Variants in DCHS2 observed in about 807,000 individuals in gnomAD.
DCHS2 encodes dachsous cadherin-related 2.
In DCHS2, 142 loss-of-function variants were observed where a neutral mutation model predicts 182.4. The ratio of observed to expected loss-of-function variants is 0.78; its 90% confidence interval spans 0.68 to 0.89. The LOEUF (loss-of-function observed/expected upper bound fraction) is 0.89, where lower values mean the gene tolerates loss of function less well. DCHS2 is among the 40% of genes least tolerant of loss of function. DCHS2 has a pLI of 0.00. For missense variants in DCHS2, 4,319 were observed against 4,198.6 expected (o/e 1.03, Z -0.79); for synonymous variants, 1,740 against 1,663.3 (o/e 1.05, Z -1.12).
chr4:154,451,108 A>G (rs530124525), intron 1 of DCHS2, among the ~76,000 whole-genome samples: 1 of 152,272 alleles, frequency 6.6e-6, no homozygotes, highest in Non-Finnish European at 1.5e-5. Context: ...TTCTGTAACA[A>G]GTCCAGGATG....
Position 154,255,763 on chromosome 4 carries a change from G to T in DCHS2, c.6790-93C>A, listed in dbSNP as rs1043267192. 11 of 1,422,204 alleles carry T rather than the reference G, an allele frequency of 7.7e-6. No individual in the cohort carries two copies. The African/African-American group carries it at 1.6e-4, about 21-fold the overall frequency. 88.1% of individuals were successfully genotyped at this position (1,422,204 alleles called of 1,614,324 possible). A position where few individuals can be genotyped will look rare whatever the true frequency, so the allele number is the denominator to read the frequency against. ...AGACATGCATTAAGAAAGAATCACA[G>T]CTTGTCAAACATATTTTAAAAACAA... On this transcript the variant is annotated intron_variant, in intron 15 of 19. Transcript: ENST00000357232.
chr4:154,331,685 A>G (rs540647866), intron 5 of DCHS2: 13 of 1,613,726 alleles, frequency 8.1e-6, no homozygotes, highest in Non-Finnish European at 1.1e-5. Flanking sequence ...CCATCTGCCC[A>G]GGTTATGACA....
intron 14 of DCHS2, among the ~76,000 whole-genome samples, chr4:154,266,935 T>C (rs946729121): frequency 1.3e-5 from 2 of 152,178 alleles, no homozygotes; most frequent in Non-Finnish European, 2.9e-5. Flanking sequence ...TGGCCTTCAA[T>C]ATGTTCTTCT....
At chr4:154,341,956 T>C (rs1313742489) in intron 3 of DCHS2, among the ~76,000 whole-genome samples, 2 of 152,166 alleles carry the variant, frequency 1.3e-5, no homozygotes, top group Middle Eastern at 3.2e-3. Context: ...CTCAACTAAA[T>C]ATAACCATCA....
rs1731409473 is a variant in DCHS2 at position 154,235,282 on chromosome 4, T to C, written c.9370A>G (p.Ser3124Gly). The C allele has an allele frequency of 3.1e-6, 5 of 1,614,096 alleles. No individual in the cohort carries two copies. Among genetic ancestry groups the C allele is most frequent in the Non-Finnish European group, 4.2e-6 (5 of 1,179,972 alleles). The stretch of plus-strand genomic sequence containing the variant: ...TCTGGCACCCTGGACTCGTGGTCAC[T>C]CAGAGCTGAGTCTGAGCACTTTCTG... Reference protein sequence around the residue: ...PYRKCSDSALSDHESRVPDSG... With the variant: ...PYRKCSDSALGDHESRVPDSG... The change falls in exon 20 of 20, where the codon AGT becomes GGT. Residue 3124 changes from serine (S) to glycine (G), a missense_variant. By Grantham distance (56) the Ser-to-Gly change is moderately conservative. Coordinates refer to ENST00000357232, the MANE Select transcript of DCHS2 (RefSeq NM_001358235.2).
chr4:154,336,647 G>A (rs1311497694), intron 3 of DCHS2, among the ~76,000 whole-genome samples: 2 of 151,994 alleles, frequency 1.3e-5, no homozygotes, highest in African/African-American at 2.4e-5. Flanking sequence ...ATTTCTATTA[G>A]AAATTTAATA....
Position 154,298,653 on chromosome 4 carries a change from G to A in DCHS2, c.5661C>T (p.Thr1887=). ...TTTGCTCCCGGTCCAAAGCACGAGT[G>A]GTTGAGAGTTCTCCTGACATCTCAT... ...TINEMSGELS[T]TRALDREQIS... The change falls in exon 13 of 20, where the codon ACC becomes ACT. Residue 1887 remains threonine (T), a synonymous_variant. Transcript: ENST00000357232. 6.2e-7 allele frequency: 1 copy of A among 1,612,654 alleles called. No individual in the cohort carries two copies. Among genetic ancestry groups the A allele is most frequent in the Non-Finnish European group, 8.5e-7 (1 of 1,179,472 alleles).
At chr4:154,368,638 T>C (rs2110779129) in intron 2 of DCHS2, among the ~76,000 whole-genome samples, 1 of 152,076 alleles carries the variant, frequency 6.6e-6, no homozygotes, top group East Asian at 1.9e-4. Context: ...TACCTCAGCC[T>C]CCCGAATAGC....
chr4:154,336,304 C>T (rs974067458), intron 3 of DCHS2, among the ~76,000 whole-genome samples: 203 of 152,254 alleles, frequency 1.3e-3, no homozygotes, highest in African/African-American at 4.7e-3. Flanking sequence ...TTAATACTAC[C>T]ACTTAGTGTA....
At chr4:154,458,945 A>G (rs1220220057) in intron 1 of DCHS2, among the ~76,000 whole-genome samples, 1 of 152,204 alleles carries the variant, frequency 6.6e-6, no homozygotes, top group Non-Finnish European at 1.5e-5. Flanking sequence ...TGATGTACCC[A>G]ATCTTCTGAT....
Position 154,333,114 on chromosome 4 carries a change from G to A in DCHS2, c.3094C>T (p.Leu1032=), listed in dbSNP as rs764160220. ...CTGCCGTTGAGGAACAGCACCCCCAGGGCTCTGTCGATGGCAAAGACGCCT... is the reference window on the plus strand; with the variant it reads ...CTGCCGTTGAGGAACAGCACCCCCAAGGCTCTGTCGATGGCAAAGACGCCT... ...QPGVFAIDRA[L]GVLFLNGSLG... Residue 1032 remains leucine (L), a synonymous_variant, in exon 5 of 20, where the codon CTG becomes TTG. Coordinates refer to ENST00000357232, the MANE Select transcript of DCHS2 (RefSeq NM_001358235.2). The A allele has an allele frequency of 9.3e-6, 15 of 1,614,042 alleles. No homozygotes were observed. The highest frequency in any genetic ancestry group is 1.3e-5 in the Non-Finnish European group (15 of 1,179,950).
Position 154,259,663 on chromosome 4 carries a change from G to A in DCHS2, c.6671C>T (p.Ala2224Val), listed in dbSNP as rs375320003. The A allele has an allele frequency of 6.2e-7, 1 of 1,613,942 alleles. No individual in the cohort carries two copies. The highest frequency in any genetic ancestry group is 8.5e-7 in the Non-Finnish European group (1 of 1,179,998). The change falls in exon 15 of 20, where the codon GCC becomes GTC. Residue 2224 changes from alanine to valine, a missense_variant. Transcript: ENST00000357232. ...TATCAAGACTGCTACTTTGCAATAG[G>A]CTCTATGCCCACTACTTTCAGCTAA... ...IVLAESSGHR[A>V]YCKVAVLIQD...
chr4:154,349,195 G>A (rs1406680896), intron 3 of DCHS2, among the ~76,000 whole-genome samples: 1 of 150,834 alleles, frequency 6.6e-6, no homozygotes. Context: ...TGGCTTTATA[G>A]ACAGAAAAGG....
In DCHS2 at chr4:154,309,673, T is replaced by C. The variant is rs917214635; in HGVS notation, c.5261-4442A>G. Among the ~76,000 whole-genome samples, 6 of 152,274 alleles carry C rather than the reference T, an allele frequency of 3.9e-5. No homozygotes were observed. The South Asian group carries it at 8.3e-4, about 21-fold the overall frequency. On this transcript the variant is annotated intron_variant, in intron 10 of 19. Coordinates refer to ENST00000357232, the MANE Select transcript of DCHS2 (RefSeq NM_001358235.2). ...ATTGGGTCTCAGGTAACAGGGACTCTGAGATTGGTTTGGTTATGTCTTAGG... is the reference window on the plus strand; with the variant it reads ...ATTGGGTCTCAGGTAACAGGGACTCCGAGATTGGTTTGGTTATGTCTTAGG...
intron 11 of DCHS2, 27 bp from the exon 12 acceptor site, chr4:154,304,905 A>T (rs1455986404): frequency 1.9e-6 from 3 of 1,580,738 alleles, no homozygotes; most frequent in Non-Finnish European, 2.6e-6. Flanking sequence ...AGACGGTATG[A>T]ATTGTGGCCT....
intron 1 of DCHS2, among the ~76,000 whole-genome samples, chr4:154,416,388 G>C (rs1732834399): frequency 6.6e-6 from 1 of 152,206 alleles, no homozygotes; most frequent in Non-Finnish European, 1.5e-5. Flanking sequence ...ACAGCGCAGG[G>C]AGGCTGTGTT....
At chr4:154,398,863 T>C in intron 1 of DCHS2, among the ~76,000 whole-genome samples, 1 of 152,234 alleles carries the variant, frequency 6.6e-6, no homozygotes, top group Non-Finnish European at 1.5e-5. Context: ...AAATAGAGGA[T>C]TACAGGTCTA....
chr4:154,301,421 CT>C (rs1477846149), intron 12 of DCHS2, among the ~76,000 whole-genome samples: 45 of 152,308 alleles, frequency 3.0e-4, no homozygotes, highest in African/African-American at 1.1e-3. Context: ...ATTTTCAGTT[CT>C]TACATCTGTA....
chr4:154,332,465 T>C lies in DCHS2; in HGVS notation c.3730+13A>G, dbSNP rs770728596. 2 of 1,592,212 alleles carry C rather than the reference T, an allele frequency of 1.3e-6. No homozygotes were observed. The highest frequency in any genetic ancestry group is 1.7e-6 in the Non-Finnish European group (2 of 1,166,738). On this transcript the variant is annotated intron_variant, in intron 5 of 19. Transcript: ENST00000357232. ...TCATTTTAAAGGAATAGGTGGAAAC[T>C]ATGAAGTGCTACCTGTATTAGGATT...
Sources: allele counts gnomAD v4.1 joint callset (sites outside exome capture counted in the v4.1 genomes callset), GRCh38; gene constraint gnomAD v4.1.1; transcripts MANE v1.5; gene names NCBI Gene and HGNC (gene_info 2026-07-23, HGNC 2026-07-21).